Variants in CMAS observed in about 807,000 individuals in gnomAD.
CMAS encodes cytidine monophosphate N-acetylneuraminic acid synthetase, also known as N-acylneuraminate cytidylyltransferase.
A neutral mutation model predicts 53.4 loss-of-function variants in CMAS; 21 were observed. That is an observed-to-expected ratio of 0.39 (90% confidence interval 0.28 to 0.57). The LOEUF is 0.57. Ranked by LOEUF, CMAS falls within the 20% of genes least tolerant of loss-of-function variation. CMAS has a pLI of 0.56. For missense variants in CMAS, 384 were observed against 534.9 expected, an observed-to-expected ratio of 0.72 and a Z score of 2.78; for synonymous variants, 189 against 195.2, an observed-to-expected ratio of 0.97 and a Z score of 0.27.
Position 22,058,797 on chromosome 12 carries a change from A to G in CMAS, c.693+97A>G, listed in dbSNP as rs1042849503. 24 of 1,401,084 alleles carry G rather than the reference A, an allele frequency of 1.7e-5. No homozygotes were observed. In the Admixed American group the frequency reaches 5.1e-4, roughly 30 times the overall value. The allele number at this position is 1,401,084 out of a possible 1,614,324, so 86.8% of individuals were successfully genotyped here. On this transcript the variant is annotated intron_variant, in intron 4 of 7. Transcript: ENST00000229329. ...ATGGTACAATTTCTTTATGATAAAG[A>G]AAAGTATCAACCTATAGAGGAAAGG...
intron 1 of CMAS, among the ~76,000 whole-genome samples, chr12:22,054,456 T>C (rs1269132861): frequency 1.3e-5 from 2 of 152,232 alleles, no homozygotes; most frequent in Non-Finnish European, 2.9e-5. Context: ...TTTGTTGTTA[T>C]CAATGGCTAT....
intron 6 of CMAS, 133 bp from the exon 7 acceptor site, chr12:22,062,148 C>A (rs926261023): frequency 9.8e-6 from 7 of 712,964 alleles, no homozygotes; most frequent in Non-Finnish European, 1.5e-5. Context: ...TTACTTGGAC[C>A]TTCAGAAAGT....
rs557641512 is a variant in CMAS at position 22,048,314 on chromosome 12, C to T, written c.260+1751C>T. ...GATAAGAGGATGGTGCACTTTGTTG[C>T]CAGAATCCTCAATTTCTTAGCTCTG... On this transcript the variant is annotated intron_variant, in intron 1 of 7. Transcript: ENST00000229329. 2.0e-5 allele frequency among the ~76,000 whole-genome samples: 3 copies of T among 152,200 alleles called. No homozygotes were observed. In the South Asian group the frequency reaches 6.2e-4, roughly 32 times the overall value.
intron 1 of CMAS, among the ~76,000 whole-genome samples, chr12:22,048,117 C>T (rs1282807200): frequency 1.3e-5 from 2 of 152,168 alleles, no homozygotes; most frequent in African/African-American, 4.8e-5. Context: ...TTACTGCCTA[C>T]CTACTATGTA....
chr12:22,056,647 C>G (rs1321167413), intron 3 of CMAS, among the ~76,000 whole-genome samples: 2 of 152,156 alleles, frequency 1.3e-5, no homozygotes, highest in South Asian at 4.1e-4. Context: ...CCAGCCCATT[C>G]CCAGCTTCCC....
At chr12:22,055,657 AT>A in intron 3 of CMAS, 47 bp downstream of exon 3, 5 of 1,516,546 alleles carry the variant, frequency 3.3e-6, no homozygotes, top group Admixed American at 3.7e-5. Flanking sequence ...TTGAGAATCA[AT>A]TTTTTTGTAT....
chr12:22,065,238 G>A lies in CMAS; in HGVS notation c.1232G>A (p.Arg411His), dbSNP rs755025797. ...VGYICKCNGG[R>H]GAIREFAEHI... ...TACATTTGCAAATGTAATGGTGGCC[G>A]TGGTGCCATCCGAGAATTTGCAGAG... is the stretch of plus-strand genomic sequence containing the variant. The change falls in exon 8 of 8, where the codon CGT (arginine) becomes CAT (histidine). Residue 411 changes from arginine (R) to histidine (H), a missense_variant. This residue lies in a region of CMAS where 134 missense variants were observed against 154.6 expected (regional missense o/e 0.87). Transcript: ENST00000229329. The A allele has an allele frequency of 2.8e-5, 45 of 1,613,924 alleles. No homozygotes were observed. Among genetic ancestry groups the A allele is most frequent in the African/African-American group, 1.1e-4 (8 of 74,910 alleles).
intron 1 of CMAS, among the ~76,000 whole-genome samples, chr12:22,047,984 T>G (rs1284004378): frequency 1.3e-5 from 2 of 152,216 alleles, no homozygotes; most frequent in Non-Finnish European, 2.9e-5. Context: ...TTAATACCAT[T>G]TACAACTCTT....
Position 22,065,421 on chromosome 12 carries a change from T to A in CMAS, c.*110T>A. 1.3e-6 allele frequency: 1 copy of A among 798,470 alleles called. No individual in the cohort carries two copies. The highest frequency in any genetic ancestry group is 2.0e-6 in the Non-Finnish European group (1 of 501,746). 49.5% of individuals were successfully genotyped at this position (798,470 alleles called of 1,614,324 possible). A position where few individuals can be genotyped will look rare whatever the true frequency, so the allele number is the denominator to read the frequency against. Reference sequence around the variant, plus strand: ...TAATGTTACAGAGAGTGTGATTTGGTTTGTGATATATATATATTGTGCTCT... The same window carrying A: ...TAATGTTACAGAGAGTGTGATTTGGATTGTGATATATATATATTGTGCTCT... On this transcript the variant is annotated 3_prime_UTR_variant, in exon 8 of 8. Transcript: ENST00000229329.
At chr12:22,055,084 A>G in intron 1 of CMAS, 65 bp from the exon 2 acceptor site, 1 of 1,263,094 alleles carries the variant, frequency 7.9e-7, no homozygotes, top group South Asian at 1.6e-5. Context: ...ATGGTTACAG[A>G]GCTCCATTTT....
rs772016661 is a variant in CMAS at position 22,061,446 on chromosome 12, T to C, written c.954T>C (p.Gly318=). ...AIGISLLKKS[G]IEVRLISERA... ...GGATAAGTTTATTAAAGAAAAGTGG[T>C]ATTGAGGTATGTGCTCCCTGAATAT... The change falls in exon 6 of 8, where the codon GGT becomes GGC. Residue 318 remains glycine (G), a synonymous_variant. Coordinates refer to ENST00000229329, the MANE Select transcript of CMAS (RefSeq NM_018686.6). 6 of 1,577,118 alleles carry C rather than the reference T, an allele frequency of 3.8e-6. No homozygotes were observed. The South Asian group carries it at 6.8e-5, about 18-fold the overall frequency.
rs1950206250 is a variant in CMAS at position 22,046,478 on chromosome 12, C to T, written c.175C>T (p.Pro59Ser). The change falls in exon 1 of 8, where the codon CCC (proline) becomes TCC (serine). Residue 59 changes from proline (P) to serine (S), a missense_variant. This residue lies in a region of CMAS where 111 missense variants were observed against 132.2 expected (regional missense o/e 0.84). Coordinates refer to ENST00000229329, the MANE Select transcript of CMAS (RefSeq NM_018686.6). Reference sequence around the variant, plus strand: ...GGCCCGGGGAGGCAGCAAAGGCATCCCCCTGAAGAACATTAAGCACCTGGC... The same window carrying T: ...GGCCCGGGGAGGCAGCAAAGGCATCTCCCTGAAGAACATTAAGCACCTGGC... ...ILARGGSKGI[P>S]LKNIKHLAGV... 6.2e-7 allele frequency: 1 copy of T among 1,610,218 alleles called. No homozygotes were observed. Among genetic ancestry groups the T allele is most frequent in the Non-Finnish European group, 8.5e-7 (1 of 1,178,686 alleles).
chr12:22,047,620 G>A (rs1950214806), intron 1 of CMAS, among the ~76,000 whole-genome samples: 2 of 152,076 alleles, frequency 1.3e-5, no homozygotes, highest in African/African-American at 2.4e-5. Flanking sequence ...AAGAAGTCCT[G>A]GATGGACCAA....
intron 1 of CMAS, among the ~76,000 whole-genome samples, chr12:22,048,879 C>T (rs867526625): frequency 2.0e-5 from 3 of 152,274 alleles, no homozygotes; most frequent in Middle Eastern, 3.4e-3. Flanking sequence ...TCCATATGGC[C>T]TAGTCACACG....
chr12:22,065,333 A>C lies in CMAS; in HGVS notation c.*22A>C, dbSNP rs200809094. 2.9e-4 allele frequency: 461 copies of C among 1,577,532 alleles called. 4 individuals are homozygous for C. Among genetic ancestry groups the C allele is most frequent in the Middle Eastern group, 1.7e-4 (1 of 5,980 alleles). On this transcript the variant is annotated 3_prime_UTR_variant, in exon 8 of 8. Coordinates refer to ENST00000229329, the MANE Select transcript of CMAS (RefSeq NM_018686.6). ...ATAGAAATTAGCGTAATATTGAGAA[A>C]AAAATGATACAGCCTTCTTCAGCCA...
rs552200119 is a variant in CMAS at position 22,054,115 on chromosome 12, C to A, written c.261-1034C>A. Among the ~76,000 whole-genome samples the A allele has an allele frequency of 2.0e-5, 3 of 151,796 alleles. No individual in the cohort carries two copies. In the East Asian group the frequency reaches 6.0e-4, roughly 30 times the overall value. Reference sequence around the variant, plus strand: ...CTAATTTTTGTATGTTTAGTAGAGTCCGGGTTTCACCGTGTTGGCCAGGCT... The same window carrying A: ...CTAATTTTTGTATGTTTAGTAGAGTACGGGTTTCACCGTGTTGGCCAGGCT... On this transcript the variant is annotated intron_variant, in intron 1 of 7. Transcript: ENST00000229329.
intron 3 of CMAS, among the ~76,000 whole-genome samples, chr12:22,057,882 C>T (rs368412019): frequency 7.1e-4 from 106 of 149,214 alleles, no homozygotes; most frequent in African/African-American, 2.5e-3. Context: ...GGATGGAGTA[C>T]AGTGGCGCAA....
In CMAS at chr12:22,046,503, C is replaced by CG; in HGVS notation, c.205dup (p.Val69GlyfsTer27). 6.2e-7 allele frequency: 1 copy of CG among 1,606,234 alleles called. No homozygotes were observed. Among genetic ancestry groups the CG allele is most frequent in the Non-Finnish European group, 8.5e-7 (1 of 1,177,052 alleles). On this transcript the variant is annotated frameshift_variant, in exon 1 of 8. Coordinates refer to ENST00000229329, the MANE Select transcript of CMAS (RefSeq NM_018686.6). LOFTEE classifies it high-confidence loss of function. ...CCCCTGAAGAACATTAAGCACCTGG[C>CG]GGGGGTCCCGCTCATTGGCTGGGTC...
At chr12:22,048,674 C>T (rs1364828768) in intron 1 of CMAS, among the ~76,000 whole-genome samples, 1 of 152,180 alleles carries the variant, frequency 6.6e-6, no homozygotes, top group Non-Finnish European at 1.5e-5. Flanking sequence ...ACTGTTTCCT[C>T]AAGGACCTGG....
Sources: gnomAD v4.1 joint callset for allele counts (sites outside exome capture counted in the v4.1 genomes callset) on GRCh38, gnomAD v4.1.1 for gene constraint, gnomAD v4.1.1 regional missense constraint, MANE v1.5 for transcripts, NCBI Gene and HGNC (gene_info 2026-07-23, HGNC 2026-07-21) for gene names.